SPATS2L: variants seen among roughly 807,000 people sequenced by gnomAD.
SPATS2L encodes the protein SPATS2-like protein.
In SPATS2L, 30 loss-of-function variants were observed where a neutral mutation model predicts 59.6. The ratio of observed to expected loss-of-function variants is 0.50; its 90% CI spans 0.38 to 0.68. The LOEUF is 0.68. Ranked by LOEUF, SPATS2L falls within the 30% of genes least tolerant of loss-of-function variation. SPATS2L has a pLI of 0.00. For missense variants in SPATS2L, 615 were observed against 700.0 expected (o/e 0.88, Z 1.37); for synonymous variants, 252 against 263.5 (o/e 0.96, Z 0.42).
chr2:200,469,384 T>C (rs906759736), intron 10 of SPATS2L, among the ~76,000 whole-genome samples: 3 of 152,220 alleles, frequency 2.0e-5, no homozygotes, highest in African/African-American at 7.2e-5. Flanking sequence ...CACACAGATC[T>C]TAATTTTAAA....
intron 2 of SPATS2L, among the ~76,000 whole-genome samples, chr2:200,381,040 A>G (rs894313160): frequency 6.6e-6 from 1 of 152,246 alleles, no homozygotes; most frequent in African/African-American, 2.4e-5. Flanking sequence ...GATAAGGAGT[A>G]GCAAAGGATG....
chr2:200,334,073 G>A (rs1173184913), intron 2 of SPATS2L, among the ~76,000 whole-genome samples: 2 of 152,294 alleles, frequency 1.3e-5, no homozygotes, highest in Non-Finnish European at 1.5e-5. Flanking sequence ...CTGAGGAATC[G>A]CCACACTGTC....
intron 4 of SPATS2L, among the ~76,000 whole-genome samples, chr2:200,414,959 T>C (rs2083006428): frequency 6.6e-6 from 1 of 152,194 alleles, no homozygotes; most frequent in African/African-American, 2.4e-5. Flanking sequence ...ATGAACAGTA[T>C]TTAGCATTTT....
At chr2:200,463,073 C>T (rs1221115514) in intron 9 of SPATS2L, among the ~76,000 whole-genome samples, 1 of 152,082 alleles carries the variant, frequency 6.6e-6, no homozygotes, top group Non-Finnish European at 1.5e-5. Flanking sequence ...TAGTAAATTA[C>T]CCCAACCCGC....
intron 1 of SPATS2L, among the ~76,000 whole-genome samples, chr2:200,321,053 A>G (rs2079545416): frequency 6.6e-6 from 1 of 152,192 alleles, no homozygotes; most frequent in Non-Finnish European, 1.5e-5. Flanking sequence ...GAAGCTACTG[A>G]AATGGATAAA....
At chr2:200,453,967 T>C (rs1476808481) in intron 8 of SPATS2L, among the ~76,000 whole-genome samples, 2 of 152,156 alleles carry the variant, frequency 1.3e-5, no homozygotes, top group Non-Finnish European at 1.5e-5. Flanking sequence ...TTCTACTGCA[T>C]GCGCCTCCTG....
chr2:200,383,872 G>A (rs2081905634), intron 2 of SPATS2L: 5 of 1,000,682 alleles, frequency 5.0e-6, no homozygotes, highest in Non-Finnish European at 6.0e-6. Context: ...TCCAGTTCAA[G>A]CAAAGTGATG....
At chr2:200,471,195 T>A (rs1228740208) in intron 11 of SPATS2L, among the ~76,000 whole-genome samples, 1 of 152,150 alleles carries the variant, frequency 6.6e-6, no homozygotes, top group Non-Finnish European at 1.5e-5. Flanking sequence ...TAATTAACAC[T>A]GCTGCGAGCA....
chr2:200,363,278 T>TA (rs2081167855), intron 2 of SPATS2L, among the ~76,000 whole-genome samples: 1 of 130,672 alleles, frequency 7.7e-6, no homozygotes, highest in Admixed American at 7.7e-5. Context: ...AAAAAAATCA[T>TA]AAAAAGACAG....
chr2:200,474,735 C>T (rs1574757286), intron 12 of SPATS2L, among the ~76,000 whole-genome samples: 1 of 152,184 alleles, frequency 6.6e-6, no homozygotes, highest in Admixed American at 6.5e-5. Flanking sequence ...TTCTTCAGTT[C>T]TCTGGTTTAG....
Position 200,306,832 on chromosome 2 carries a change from G to C in SPATS2L, c.-163G>C, listed in dbSNP as rs1475730476. The C allele has an allele frequency of 7.1e-6, 7 of 980,912 alleles. No individual in the cohort carries two copies. The South Asian group carries it at 2.8e-4, about 40-fold the overall frequency. 60.8% of individuals were successfully genotyped at this position (980,912 alleles called of 1,614,324 possible). ...GCTCGGCCCGCCCTCCGAGCCGCAG[G>C]GGCCGCCACCGCCGCGGCGCCTCCC... On this transcript the variant is annotated 5_prime_UTR_variant, in exon 1 of 13. Transcript: ENST00000409140.
intron 8 of SPATS2L, among the ~76,000 whole-genome samples, chr2:200,443,340 G>A (rs1236060805): frequency 6.6e-6 from 1 of 152,162 alleles, no homozygotes; most frequent in Non-Finnish European, 1.5e-5. Context: ...CCTATTGATG[G>A]TGAAATCCTG....
At chr2:200,392,869 C>A (rs958846629) in intron 3 of SPATS2L, among the ~76,000 whole-genome samples, 1 of 152,196 alleles carries the variant, frequency 6.6e-6, no homozygotes, top group Non-Finnish European at 1.5e-5. Flanking sequence ...TGAACGATTA[C>A]TTGGTGGAGA....
chr2:200,473,016 C>T lies in SPATS2L; in HGVS notation c.1245C>T (p.Ala415=), dbSNP rs752511506. 1.9e-5 allele frequency: 30 copies of T among 1,613,366 alleles called. No individual in the cohort carries two copies. Among genetic ancestry groups the T allele is most frequent in the African/African-American group, 5.4e-5 (4 of 74,742 alleles). The part of the protein sequence containing the change: ...PKMVSSLPST[A]DPSHQTMPAN... ...TGGTGAGCAGTCTCCCCAGCACCGC[C>T]GACCCCTCTCACCAGACCATGCCGG... The change falls in exon 12 of 13, where the codon GCC becomes GCT. Residue 415 remains alanine (A), a synonymous_variant. Transcript: ENST00000409140.
chr2:200,448,207 T>A lies in SPATS2L; in HGVS notation c.788+7423T>A, dbSNP rs541178063. Reference sequence around the variant, plus strand: ...CTGTAATCCCAGCACTTTGGGAGGCTGAGGTGGGTAGATCACTTGAGGTCA... The same window carrying A: ...CTGTAATCCCAGCACTTTGGGAGGCAGAGGTGGGTAGATCACTTGAGGTCA... On this transcript the variant is annotated intron_variant, in intron 8 of 12. Transcript: ENST00000409140. 9.9e-5 allele frequency among the ~76,000 whole-genome samples: 15 copies of A among 152,238 alleles called. 1 individual carries two copies. In the South Asian group the frequency reaches 2.5e-3, roughly 25 times the overall value.
At chr2:200,438,987 T>C (rs2084497806) in intron 6 of SPATS2L, 135 bp from the exon 7 acceptor site, 1 of 676,114 alleles carries the variant, frequency 1.5e-6, no homozygotes, top group Non-Finnish European at 2.6e-6. Context: ...TTTAAAACAG[T>C]TTCTTGACTG....
intron 11 of SPATS2L, among the ~76,000 whole-genome samples, chr2:200,471,145 G>T (rs955583407): frequency 2.0e-5 from 3 of 152,022 alleles, no homozygotes; most frequent in Admixed American, 6.6e-5. Flanking sequence ...CAGCCTGGGC[G>T]ACAGAGCGAG....
At chr2:200,403,756 G>C (rs1559101905) in intron 3 of SPATS2L, among the ~76,000 whole-genome samples, 1 of 152,182 alleles carries the variant, frequency 6.6e-6, no homozygotes, top group Non-Finnish European at 1.5e-5. Flanking sequence ...GCTGGGGAAA[G>C]CCATGCCGAT....
At chr2:200,328,685 C>T (rs1233259499) in intron 1 of SPATS2L, among the ~76,000 whole-genome samples, 1 of 152,176 alleles carries the variant, frequency 6.6e-6, no homozygotes, top group Non-Finnish European at 1.5e-5. Flanking sequence ...AATCCCCACA[C>T]AGTACTCAGC....
Sources: gnomAD v4.1 joint callset for allele counts (sites outside exome capture counted in the v4.1 genomes callset) on GRCh38, gnomAD v4.1.1 for gene constraint, MANE v1.5 for transcripts, NCBI Gene and HGNC (gene_info 2026-07-23, HGNC 2026-07-21) for gene names.